Variants in ZMAT3 observed in about 807,000 individuals in gnomAD.
The protein encoded by ZMAT3 is zinc finger matrin-type protein 3.
Under a neutral mutation model 32.3 loss-of-function variants are expected in ZMAT3, and 17 were observed. The ratio of observed to expected loss-of-function variants is 0.53; its 90% CI spans 0.36 to 0.79. The LOEUF (loss-of-function observed/expected upper bound fraction) is 0.79. Ranked by LOEUF, ZMAT3 falls within the 30% of genes least tolerant of loss-of-function variation. The pLI is 0.00. For synonymous variants in ZMAT3, 120 were observed against 133.1 expected (o/e 0.90, Z 0.68); for missense variants, 329 against 359.7 (o/e 0.91, Z 0.69).
At chr3:179,055,872 T>C (rs1453686943) in intron 2 of ZMAT3, among the ~76,000 whole-genome samples, 4 of 152,066 alleles carry the variant, frequency 2.6e-5, no homozygotes, top group Non-Finnish European at 5.9e-5. Flanking sequence ...AGGTCAACAA[T>C]AGGATGACAA....
chr3:179,045,775 T>C (rs1351015445), intron 2 of ZMAT3, among the ~76,000 whole-genome samples: 2 of 152,152 alleles, frequency 1.3e-5, no homozygotes, highest in East Asian at 3.9e-4. Flanking sequence ...CAAATACAAA[T>C]GTTTATTATA....
In ZMAT3 at chr3:179,022,956, C is replaced by A. The variant is rs1718626149; in HGVS notation, c.*2061G>T. On this transcript the variant is annotated 3_prime_UTR_variant, in exon 6 of 6. Transcript: ENST00000311417. ...TCAAGAAAAAATAGAAGTTTTACCT[C>A]TAATTAGTAATACAAGCAATCAAAT... is the stretch of plus-strand genomic sequence containing the variant. 1 of 152,148 alleles carries A rather than the reference C, an allele frequency of 6.6e-6. No homozygotes were observed. The highest frequency in any genetic ancestry group is 1.5e-5 in the Non-Finnish European group (1 of 68,030). 9.4% of individuals were successfully genotyped at this position (152,148 alleles called of 1,614,324 possible). A position where few individuals can be genotyped will look rare whatever the true frequency, so the allele number is the denominator to read the frequency against.
intron 2 of ZMAT3, among the ~76,000 whole-genome samples, chr3:179,034,627 C>T (rs1486842002): frequency 7.2e-5 from 11 of 152,176 alleles, no homozygotes; most frequent in Non-Finnish European, 1.6e-4. Context: ...ATCCAGCTTC[C>T]TCCTGGTCAT....
chr3:179,031,078 G>A (rs1719158393), intron 2 of ZMAT3, 79 bp from the exon 3 acceptor site: 2 of 1,310,722 alleles, frequency 1.5e-6, no homozygotes, highest in Non-Finnish European at 2.1e-6. Context: ...ATGGTCAACT[G>A]TGGTCCAAAA....
At chr3:179,040,395 C>T (rs1046335518) in intron 2 of ZMAT3, among the ~76,000 whole-genome samples, 6 of 152,146 alleles carry the variant, frequency 3.9e-5, no homozygotes, top group Admixed American at 6.5e-5. Flanking sequence ...CGGCAGAAAC[C>T]CTACAAGCCA....
chr3:179,068,010 G>A (rs865885823), intron 1 of ZMAT3, among the ~76,000 whole-genome samples: 1 of 152,090 alleles, frequency 6.6e-6, no homozygotes, highest in South Asian at 2.1e-4. Context: ...CACTGAGAAT[G>A]GCTTTATAGA....
In ZMAT3 at chr3:179,046,570, C is replaced by T. The variant is rs775899845; in HGVS notation, c.271-15571G>A. Among the ~76,000 whole-genome samples the T allele has an allele frequency of 1.3e-5, 2 of 152,176 alleles. No individual in the cohort carries two copies. Among genetic ancestry groups the T allele is most frequent in the Non-Finnish European group, 2.9e-5 (2 of 68,034 alleles). ...TGGGACAGCTGAGGAACTGAGTCGGCCTGCTTTCTCAGCTGGGAGGCTTGT... is the reference window on the plus strand; with the variant it reads ...TGGGACAGCTGAGGAACTGAGTCGGTCTGCTTTCTCAGCTGGGAGGCTTGT... On this transcript the variant is annotated intron_variant, in intron 2 of 5. Transcript: ENST00000311417. This position sits in a 1 kb window ranked among gnomAD's most constrained non-coding sequence, Gnocchi z 4.3.
intron 2 of ZMAT3, among the ~76,000 whole-genome samples, chr3:179,060,198 CAAATT>C (rs796312562): frequency 7.5e-4 from 113 of 149,812 alleles, no homozygotes; most frequent in African/African-American, 2.7e-3. Context: ...GAACATGTCT[CAAATT>C]AAAACAAAAA....
intron 2 of ZMAT3, among the ~76,000 whole-genome samples, chr3:179,062,279 A>G (rs1308826163): frequency 6.6e-6 from 1 of 152,146 alleles, no homozygotes; most frequent in Admixed American, 6.5e-5. Context: ...ACCTGAAGAG[A>G]ACAATTCTAC....
At chr3:179,064,467 C>G (rs1488060730) in intron 2 of ZMAT3, among the ~76,000 whole-genome samples, 1 of 152,002 alleles carries the variant, frequency 6.6e-6, no homozygotes, top group Non-Finnish European at 1.5e-5. Context: ...TTGTTGTTGT[C>G]TTTGTTTGCT....
chr3:179,051,925 G>C (rs531259509), intron 2 of ZMAT3, among the ~76,000 whole-genome samples: 2 of 152,248 alleles, frequency 1.3e-5, no homozygotes, highest in South Asian at 4.1e-4. Flanking sequence ...CATAAAGTGG[G>C]GAAAGGACAC....
chr3:179,050,418 G>T (rs1720493598), intron 2 of ZMAT3, among the ~76,000 whole-genome samples: 1 of 151,622 alleles, frequency 6.6e-6, no homozygotes, highest in Admixed American at 6.6e-5. Context: ...ATTAAACCAA[G>T]AATACATAGA....
chr3:179,039,224 G>T (rs975529549), intron 2 of ZMAT3, among the ~76,000 whole-genome samples: 5 of 152,200 alleles, frequency 3.3e-5, no homozygotes, highest in Admixed American at 3.3e-4. Context: ...CCAACATGGT[G>T]TTTGAGCTCT....
chr3:179,061,569 G>A (rs1337993000), intron 2 of ZMAT3, among the ~76,000 whole-genome samples: 2 of 152,004 alleles, frequency 1.3e-5, no homozygotes, highest in African/African-American at 4.8e-5. Context: ...AAAGGCTTAA[G>A]ATTCTTCTCT....
At chr3:179,037,029 A>T (rs1339336871) in intron 2 of ZMAT3, among the ~76,000 whole-genome samples, 1 of 152,138 alleles carries the variant, frequency 6.6e-6, no homozygotes, top group Non-Finnish European at 1.5e-5. Context: ...TCTCACACAC[A>T]GGGCTAATCA....
intron 2 of ZMAT3, among the ~76,000 whole-genome samples, chr3:179,053,602 G>A (rs1325886088): frequency 6.6e-6 from 1 of 152,178 alleles, no homozygotes; most frequent in Non-Finnish European, 1.5e-5. Context: ...ACCATGGCAG[G>A]CAGTAGCTTA....
intron 5 of ZMAT3, among the ~76,000 whole-genome samples, chr3:179,026,525 T>C (rs973607407): frequency 2.6e-5 from 4 of 151,976 alleles, no homozygotes; most frequent in African/African-American, 9.7e-5. Context: ...TAGCTGGGAT[T>C]ACAGGCGTAT....
At chr3:179,062,988 T>C (rs529869844) in intron 2 of ZMAT3, among the ~76,000 whole-genome samples, 1 of 152,340 alleles carries the variant, frequency 6.6e-6, no homozygotes, top group South Asian at 2.1e-4. Context: ...TAAGATAACA[T>C]ATGCAAGTCT....
chr3:179,039,566 C>G (rs930701462), intron 2 of ZMAT3, among the ~76,000 whole-genome samples: 13 of 152,138 alleles, frequency 8.5e-5, no homozygotes, highest in African/African-American at 2.9e-4. Flanking sequence ...CACCAAAACC[C>G]CATCTGTAGG....
Sources: gnomAD v4.1 joint callset for allele counts (sites outside exome capture counted in the v4.1 genomes callset) on GRCh38, gnomAD v4.1.1 for gene constraint, Gnocchi (gnomAD v3.1) non-coding constraint, MANE v1.5 for transcripts, NCBI Gene and HGNC (gene_info 2026-07-23, HGNC 2026-07-21) for gene names.